Variants in SLC12A7 observed in about 807,000 individuals in gnomAD.
SLC12A7 encodes K-Cl cotransporter 4.
In SLC12A7, 100 loss-of-function variants were observed where a neutral mutation model predicts 120.6. That is an observed-to-expected ratio of 0.83 (90% CI 0.71 to 0.98). The LOEUF (loss-of-function observed/expected upper bound fraction) is 0.98. Among genes scored for constraint, SLC12A7 ranks in the 50% least tolerant of loss-of-function variants. SLC12A7 has a pLI of 0.00. For missense variants in SLC12A7, 1,373 were observed against 1,548.1 expected (o/e 0.89, Z 1.90); for synonymous variants, 760 against 678.0 (o/e 1.12, Z -1.88).
the SLC12A7 span, among the ~76,000 whole-genome samples, chr5:1,136,895 G>A: frequency 2.1e-4 from 31 of 147,880 alleles, no homozygotes; most frequent in African/African-American, 7.5e-4. Context: ...AGCAGGACAC[G>A]CAGGCACACA....
chr5:1,119,276 C>T, the SLC12A7 span, among the ~76,000 whole-genome samples: 3 of 152,242 alleles, frequency 2.0e-5, no homozygotes, highest in Non-Finnish European at 2.9e-5. Context: ...AGCCCGGCCT[C>T]AGTTACCGCC....
In SLC12A7 at chr5:1,051,170, C is replaced by G; in HGVS notation, c.*1190G>C. The G allele has an allele frequency of 2.6e-6, 1 of 381,144 alleles. No homozygotes were observed. The highest frequency in any genetic ancestry group is 4.6e-6 in the Non-Finnish European group (1 of 215,438). The allele number at this position is 381,144 out of a possible 1,614,324, so 23.6% of individuals were successfully genotyped here. On this transcript the variant is annotated 3_prime_UTR_variant, in exon 24 of 24. Coordinates refer to ENST00000264930, the MANE Select transcript of SLC12A7 (RefSeq NM_006598.3). The stretch of plus-strand genomic sequence containing the variant: ...GCCAGCCGAAGTGCAAAGTGTTGGG[C>G]CCTTGAAAGCTATCTCTTCAGTGCC...
chr5:1,075,604 A>C, intron 14 of SLC12A7, 114 bp from the exon 15 acceptor site: 1 of 1,419,976 alleles, frequency 7.0e-7, no homozygotes, highest in East Asian at 2.5e-5. Context: ...TAACACTAGG[A>C]AAACAGTCAC....
At chr5:1,122,220 A>G in the SLC12A7 span, among the ~76,000 whole-genome samples, 2 of 152,158 alleles carry the variant, frequency 1.3e-5, no homozygotes, top group African/African-American at 4.8e-5. Context: ...GGGCCTCCCT[A>G]GAAACGTGTC....
chr5:1,098,644 ACCC>A (rs1741640666), intron 1 of SLC12A7, among the ~76,000 whole-genome samples: 1 of 192 alleles, frequency 5.2e-3, no homozygotes, highest in African/African-American at 8.9e-3. Context: ...CCCTCTGCTC[ACCC>A]AGCCCCCTTC....
chr5:1,055,891 C>T (rs570236990), intron 22 of SLC12A7, among the ~76,000 whole-genome samples: 36 of 152,310 alleles, frequency 2.4e-4, no homozygotes, highest in Admixed American at 1.0e-3. Context: ...ATTCAGGTTT[C>T]GGGGTTAAAG....
At chr5:1,146,045 C>T in the SLC12A7 span, among the ~76,000 whole-genome samples, 8 of 152,278 alleles carry the variant, frequency 5.3e-5, no homozygotes, top group Admixed American at 3.3e-4. This position sits in a 1 kb window ranked among gnomAD's most constrained non-coding sequence, Gnocchi z 6.5. Flanking sequence ...TGGCAGTCCC[C>T]GTTCTGCCTC....
Position 1,083,797 on chromosome 5 carries a change from G to T in SLC12A7, c.1077C>A (p.Asn359Lys). The T allele has an allele frequency of 6.2e-7, 1 of 1,612,524 alleles. No homozygotes were observed. The highest frequency in any genetic ancestry group is 8.5e-7 in the Non-Finnish European group (1 of 1,179,702). ...GGATGCCCTGGATTTCGGTGACGTT[G>T]TTCTGGATGAAGTACTCGTCACAGG... is the stretch of plus-strand genomic sequence containing the variant. ...SAACDEYFIQNNVTEIQGIPG... is the reference protein window; with the variant it reads ...SAACDEYFIQKNVTEIQGIPG... The change falls in exon 8 of 24, where the codon AAC becomes AAA. Residue 359 changes from asparagine to lysine, a missense_variant. Asn to Lys is a moderately conservative substitution (Grantham distance 94). Coordinates refer to ENST00000264930, the MANE Select transcript of SLC12A7 (RefSeq NM_006598.3).
At position 1,065,351 on chromosome 5, in the gene SLC12A7, G is replaced by A. The variant is rs1417395988; in HGVS notation, c.2369C>T (p.Thr790Met). The change falls in exon 18 of 24, where the codon ACG becomes ATG. Residue 790 changes from threonine (T) to methionine (M), a missense_variant. Transcript: ENST00000264930. ...SAGLGGLKHNTVLMAWPASWK... is the reference protein window; with the variant it reads ...SAGLGGLKHNMVLMAWPASWK... ...GGATGCGGGCCAGGCCATGAGCACC[G>A]TGTTGTGCTTCAGGCCGCCCAGGCC... 1.9e-6 allele frequency: 3 copies of A among 1,611,670 alleles called. No homozygotes were observed. Among genetic ancestry groups the A allele is most frequent in the East Asian group, 2.2e-5 (1 of 44,834 alleles).
chr5:1,078,702 T>TA lies in SLC12A7; in HGVS notation c.1452dup (p.Lys485Ter). On this transcript the variant is annotated frameshift_variant and splice_region_variant, in exon 11 of 24. Transcript: ENST00000264930. LOFTEE classifies it high-confidence loss of function. The stretch of plus-strand genomic sequence containing the variant: ...CGAAAACTGCAGGTGGAAACGTACT[T>TA]ATCTCGTAAGACCACGCCTTCAATG... 1 of 1,611,816 alleles carries TA rather than the reference T, an allele frequency of 6.2e-7. No individual in the cohort carries two copies. Among genetic ancestry groups the TA allele is most frequent in the Non-Finnish European group, 8.5e-7 (1 of 1,179,290 alleles).
rs558978417 is a variant in SLC12A7, at chr5:1,055,303, G to C, written c.3027-1821C>G. Among the ~76,000 whole-genome samples, 5 of 152,328 alleles carry C rather than the reference G, an allele frequency of 3.3e-5. No homozygotes were observed. In the South Asian group the frequency reaches 1.0e-3, roughly 32 times the overall value. ...ATGCATAGTATGTGCACACAGACAT[G>C]CACACTAACGTACGTGGACGTGCAC... is the stretch of plus-strand genomic sequence containing the variant. On this transcript the variant is annotated intron_variant, in intron 22 of 23. Transcript: ENST00000264930.
At chr5:1,088,168 A>G in intron 5 of SLC12A7, 138 bp downstream of exon 5, 1 of 740,940 alleles carries the variant, frequency 1.3e-6, no homozygotes, top group Non-Finnish European at 2.2e-6. Flanking sequence ...GCCAGTGGAG[A>G]ACACGCAGAA....
intron 1 of SLC12A7, among the ~76,000 whole-genome samples, chr5:1,105,650 C>T (rs575026072): frequency 4.3e-4 from 65 of 152,356 alleles, no homozygotes; most frequent in African/African-American, 1.4e-3. Flanking sequence ...CCTCTGCCCC[C>T]AAAAGGGAGT....
the SLC12A7 span, among the ~76,000 whole-genome samples, chr5:1,124,311 A>G: frequency 6.6e-6 from 1 of 152,242 alleles, no homozygotes; most frequent in Admixed American, 6.5e-5. Context: ...CATTTAAAAA[A>G]CAAAAACCAA....
the SLC12A7 span, among the ~76,000 whole-genome samples, chr5:1,119,437 G>A: frequency 7.2e-5 from 11 of 152,176 alleles, no homozygotes; most frequent in Non-Finnish European, 1.6e-4. Context: ...CCGCAGGCAC[G>A]CACACATCCC....
chr5:1,095,625 G>C (rs1741053525), intron 1 of SLC12A7, among the ~76,000 whole-genome samples: 2 of 152,242 alleles, frequency 1.3e-5, no homozygotes, highest in African/African-American at 4.8e-5. Context: ...CAGGATGCGA[G>C]GTGGCCGGAG....
chr5:1,056,893 G>A (rs763318141), intron 22 of SLC12A7, among the ~76,000 whole-genome samples: 17 of 152,226 alleles, frequency 1.1e-4, no homozygotes, highest in African/African-American at 2.9e-4. Flanking sequence ...GAGCCTTGGC[G>A]TAGGGCAGGC....
At chr5:1,057,449 G>C in intron 22 of SLC12A7, 22 bp downstream of exon 22, 2 of 1,595,494 alleles carry the variant, frequency 1.3e-6, no homozygotes, top group Non-Finnish European at 1.7e-6. Flanking sequence ...GTTCCCCCCA[G>C]GCCACACGCA....
chr5:1,113,430 C>G (rs1400636169), upstream of SLC12A7, among the ~76,000 whole-genome samples: 3 of 152,214 alleles, frequency 2.0e-5, no homozygotes, highest in Non-Finnish European at 4.4e-5. Flanking sequence ...CAGTCATGCC[C>G]TGGGGTGGCC....
Sources: gnomAD v4.1 joint callset for allele counts (sites outside exome capture counted in the v4.1 genomes callset) on GRCh38, gnomAD v4.1.1 for gene constraint, Gnocchi (gnomAD v3.1) non-coding constraint, MANE v1.5 for transcripts, NCBI Gene and HGNC (gene_info 2026-07-23, HGNC 2026-07-21) for gene names.